PSAP: variants seen among roughly 807,000 people sequenced by gnomAD.
PSAP encodes prosaposin.
A neutral mutation model predicts 66.0 loss-of-function variants in PSAP; 25 were observed. That is an observed-to-expected ratio of 0.38 (90% CI 0.28 to 0.53). The LOEUF (loss-of-function observed/expected upper bound fraction) is 0.53. Among genes scored for constraint, PSAP ranks in the 20% least tolerant of loss-of-function variants. The probability of loss-of-function intolerance (pLI) is 0.83; values close to 1 mark genes in which losing one functional copy is unlikely to be tolerated. For synonymous variants in PSAP, 273 were observed against 258.9 expected (o/e 1.05, Z -0.52); for missense variants, 649 against 668.8 (o/e 0.97, Z 0.33).
chr10:71,825,949 C>T (rs1255437432), intron 6 of PSAP, 56 bp from the exon 7 acceptor site: 6 of 1,492,536 alleles, frequency 4.0e-6, no homozygotes, highest in Non-Finnish European at 5.6e-6. Flanking sequence ...CACCAAAACC[C>T]AACCAACAAA....
chr10:71,840,145 T>G (rs1392004146), intron 1 of PSAP, among the ~76,000 whole-genome samples: 2 of 152,154 alleles, frequency 1.3e-5, no homozygotes, highest in Non-Finnish European at 2.9e-5. Flanking sequence ...TTTAAATATT[T>G]TAGTAACATG....
intron 1 of PSAP, among the ~76,000 whole-genome samples, chr10:71,838,382 T>C (rs907663821): frequency 6.6e-6 from 1 of 151,254 alleles, no homozygotes; most frequent in Admixed American, 6.6e-5. Flanking sequence ...ACCCAGAGAG[T>C]CCCCTGGAGG....
At chr10:71,818,547 A>G in intron 13 of PSAP, 70 bp downstream of exon 13, 1 of 1,315,528 alleles carries the variant, frequency 7.6e-7, no homozygotes, top group Non-Finnish European at 1.1e-6. Flanking sequence ...GGTTCCCATT[A>G]AAGCAGGATT....
At chr10:71,846,774 A>T (rs1842833255) in intron 1 of PSAP, among the ~76,000 whole-genome samples, 1 of 149,276 alleles carries the variant, frequency 6.7e-6, no homozygotes, top group Non-Finnish European at 1.5e-5. Flanking sequence ...AGGGCAATGT[A>T]ATTCTAATTA....
intron 1 of PSAP, among the ~76,000 whole-genome samples, chr10:71,839,114 T>C (rs1231037879): frequency 1.3e-5 from 2 of 152,230 alleles, no homozygotes; most frequent in Non-Finnish European, 2.9e-5. Flanking sequence ...AAAAAGTTCT[T>C]AGAATGTTTG....
Position 71,817,440 on chromosome 10 carries a change from C to G in PSAP, c.*1G>C. 6.2e-7 allele frequency: 1 copy of G among 1,614,120 alleles called. No homozygotes were observed. The highest frequency in any genetic ancestry group is 8.5e-7 in the Non-Finnish European group (1 of 1,179,958). The stretch of plus-strand genomic sequence containing the variant: ...TCTGCCAAGATGGAATATTCCTCCT[C>G]CTAGTTCCACACATGGCGTTTGCAA... On this transcript the variant is annotated 3_prime_UTR_variant, in exon 14 of 14. Coordinates refer to ENST00000394936, the MANE Select transcript of PSAP (RefSeq NM_002778.4).
At chr10:71,819,940 C>T (rs1326459382) in intron 9 of PSAP, 40 bp from the exon 10 acceptor site, 21 of 1,556,758 alleles carry the variant, frequency 1.3e-5, no homozygotes, top group African/African-American at 2.7e-5. Flanking sequence ...GACGGGAGGC[C>T]GGACAAGGGT....
At chr10:71,841,626 C>CGTGG (rs1842735480) in intron 1 of PSAP, among the ~76,000 whole-genome samples, 1 of 152,046 alleles carries the variant, frequency 6.6e-6, no homozygotes, top group African/African-American at 2.4e-5. Context: ...ATCCAAGCAC[C>CGTGG]GTGGGAGGCA....
Position 71,823,827 on chromosome 10 carries a change from A to T in PSAP, c.778-1820T>A, listed in dbSNP as rs1403069731. 2.4e-6 allele frequency: 3 copies of T among 1,238,282 alleles called. No individual in the cohort carries two copies. The African/African-American group carries it at 4.7e-5, about 20-fold the overall frequency. The allele number at this position is 1,238,282 out of a possible 1,614,324, so 76.7% of individuals were successfully genotyped here. The stretch of plus-strand genomic sequence containing the variant: ...AATCATGCCATACCCAAAAAAAAAA[A>T]AAGCAAAGTAACTAGAGGAAGCAGC... On this transcript the variant is annotated intron_variant, in intron 7 of 13. Transcript: ENST00000394936.
At chr10:71,847,662 G>C (rs200061241) in intron 1 of PSAP, among the ~76,000 whole-genome samples, 1 of 146,170 alleles carries the variant, frequency 6.8e-6, no homozygotes. Flanking sequence ...AAAAAAAAAA[G>C]AAACAAAACA....
chr10:71,850,438 G>C (rs973158043), intron 1 of PSAP, among the ~76,000 whole-genome samples: 2 of 152,142 alleles, frequency 1.3e-5, no homozygotes, highest in African/African-American at 2.4e-5. Context: ...GCCCCCCGCC[G>C]CTTTGAGTTG....
chr10:71,829,027 C>T lies in PSAP; in HGVS notation c.426G>A (p.Gln142=), dbSNP rs1481270651. The change falls in exon 5 of 14, where the codon CAG becomes CAA. Residue 142 remains glutamine (Q), a synonymous_variant. Coordinates refer to ENST00000394936, the MANE Select transcript of PSAP (RefSeq NM_002778.4). ...CSALNLCESL[Q]KHLAELNHQK... ...GGTGATTCAGCTCTGCTAGGTGCTT[C>T]TGGAGAGACTCGCAGAGGTTGAGAG... The T allele has an allele frequency of 6.2e-7, 1 of 1,614,144 alleles. No individual in the cohort carries two copies. Among genetic ancestry groups the T allele is most frequent in the East Asian group, 2.2e-5 (1 of 44,886 alleles).
chr10:71,832,783 C>T (rs1842544760), intron 2 of PSAP, among the ~76,000 whole-genome samples: 2 of 151,604 alleles, frequency 1.3e-5, no homozygotes, highest in African/African-American at 2.4e-5. Flanking sequence ...CTTGGGAGGC[C>T]GAGGCGGGCA....
intron 1 of PSAP, among the ~76,000 whole-genome samples, chr10:71,841,401 G>A (rs1842731128): frequency 6.6e-6 from 1 of 152,190 alleles, no homozygotes; most frequent in African/African-American, 2.4e-5. Context: ...TACTATAAAT[G>A]TCACTTTTGG....
chr10:71,845,533 C>A (rs2133067640), intron 1 of PSAP, among the ~76,000 whole-genome samples: 1 of 152,294 alleles, frequency 6.6e-6, no homozygotes, highest in Non-Finnish European at 1.5e-5. Flanking sequence ...CCTCTGCAAG[C>A]TTCTAAGGGA....
In PSAP at chr10:71,818,947, AAGTCTC is replaced by A. The variant is rs74733861; in HGVS notation, c.1431+78_1431+83del. 0.45 allele frequency: 623,876 copies of A among 1,390,650 alleles called. 142,467 individuals carry two copies. The highest frequency in any genetic ancestry group is 0.5 in the South Asian group (42,843 of 84,860). The allele number at this position is 1,390,650 out of a possible 1,614,324, so 86.1% of individuals were successfully genotyped here. A position where few individuals can be genotyped will look rare whatever the true frequency, so the allele number is the denominator to read the frequency against. On this transcript the variant is annotated intron_variant, in intron 12 of 13. Transcript: ENST00000394936. Reference sequence around the variant, plus strand: ...AACCCAGAGACTCCACCCCACGGCCAAGTCTCAGAGCAACCCTTCCGGGTCTCTGCA... The same window carrying A: ...AACCCAGAGACTCCACCCCACGGCCAAGAGCAACCCTTCCGGGTCTCTGCA...
intron 8 of PSAP, 101 bp downstream of exon 8, chr10:71,821,775 G>C: frequency 6.6e-7 from 1 of 1,519,818 alleles, no homozygotes; most frequent in East Asian, 2.3e-5. Flanking sequence ...GCCAGGCAGG[G>C]AACCGAAAGA....
At chr10:71,832,627 G>A (rs1842542458) in intron 2 of PSAP, among the ~76,000 whole-genome samples, 1 of 152,124 alleles carries the variant, frequency 6.6e-6, no homozygotes, top group Non-Finnish European at 1.5e-5. Context: ...ATCTGAGGGG[G>A]TATCAATTCC....
chr10:71,838,879 T>C (rs1375626772), intron 1 of PSAP, among the ~76,000 whole-genome samples: 1 of 152,186 alleles, frequency 6.6e-6, no homozygotes, highest in Non-Finnish European at 1.5e-5. Context: ...CTTTCAGTGG[T>C]GGGCTGAACT....
Sources: allele counts gnomAD v4.1 joint callset (sites outside exome capture counted in the v4.1 genomes callset), GRCh38; gene constraint gnomAD v4.1.1; transcripts MANE v1.5; gene names NCBI Gene and HGNC (gene_info 2026-07-23, HGNC 2026-07-21).